MAML3: variants seen among roughly 807,000 people sequenced by gnomAD.
MAML3 encodes the protein mastermind-like protein 3.
A neutral mutation model predicts 101.9 loss-of-function variants in MAML3; 27 were observed. That is an observed-to-expected ratio of 0.27 (90% CI 0.20 to 0.37). The LOEUF is 0.37. Among genes scored for constraint, MAML3 ranks in the 10% least tolerant of loss-of-function variants. The probability of loss-of-function intolerance (pLI) is 1.00; values close to 1 mark genes in which losing one functional copy is unlikely to be tolerated. For missense variants in MAML3, 1,316 were observed against 1,444.9 expected, an observed-to-expected ratio of 0.91 and a Z score of 1.45; for synonymous variants, 501 against 555.9, an observed-to-expected ratio of 0.90 and a Z score of 1.39.
At chr4:140,099,923 C>A (rs761652154) in intron 1 of MAML3, among the ~76,000 whole-genome samples, 3 of 152,166 alleles carry the variant, frequency 2.0e-5, no homozygotes, top group Admixed American at 6.5e-5. Context: ...TTGATCATGG[C>A]ACTCCCTGTC....
intron 1 of MAML3, among the ~76,000 whole-genome samples, chr4:140,057,381 T>C (rs1560879691): frequency 6.6e-6 from 1 of 152,228 alleles, no homozygotes; most frequent in Non-Finnish European, 1.5e-5. Flanking sequence ...TTAAATCTTT[T>C]CTGTTTTACC....
chr4:139,841,535 C>T (rs982467051), intron 2 of MAML3, among the ~76,000 whole-genome samples: 5 of 152,232 alleles, frequency 3.3e-5, no homozygotes, highest in African/African-American at 7.2e-5. Flanking sequence ...TCGGCGCTGA[C>T]GCTTTCTAAT....
chr4:139,872,577 G>C (rs4863698), intron 2 of MAML3, among the ~76,000 whole-genome samples: 68,374 of 151,966 alleles, frequency 0.45, 16,263 homozygotes, highest in African/African-American at 0.57. Context: ...AGGATGTACT[G>C]GAAGAACTCA....
intron 2 of MAML3, among the ~76,000 whole-genome samples, chr4:139,850,023 T>C (rs1477808454): frequency 6.6e-6 from 1 of 152,218 alleles, no homozygotes; most frequent in Non-Finnish European, 1.5e-5. Flanking sequence ...CAAATAGCAC[T>C]GGTATTGTCA....
At chr4:139,923,319 T>C (rs1733161473) in intron 1 of MAML3, among the ~76,000 whole-genome samples, 1 of 152,206 alleles carries the variant, frequency 6.6e-6, no homozygotes, top group Non-Finnish European at 1.5e-5. Context: ...TGTTACTGAC[T>C]GGGAACAGTC....
At chr4:140,135,630 T>C (rs1409472724) in intron 1 of MAML3, among the ~76,000 whole-genome samples, 1 of 152,228 alleles carries the variant, frequency 6.6e-6, no homozygotes, top group Non-Finnish European at 1.5e-5. Context: ...CTCTTGCCAA[T>C]GAGACTAGAC....
intron 2 of MAML3, among the ~76,000 whole-genome samples, chr4:139,801,280 T>C (rs772970013): frequency 1.5e-4 from 23 of 152,258 alleles, no homozygotes; most frequent in African/African-American, 1.4e-4. Context: ...GAACAACTTA[T>C]ACTAACATAC....
rs910612103 is a variant in MAML3, at chr4:140,028,485, G to A, written c.468+124375C>T. On this transcript the variant is annotated intron_variant, in intron 1 of 4. Transcript: ENST00000509479. Reference sequence around the variant, plus strand: ...CTCTCTCTCTTTCTCATTATTCTTCGTGATTCCAAAGGAGAGCTACCATAT... The same window carrying A: ...CTCTCTCTCTTTCTCATTATTCTTCATGATTCCAAAGGAGAGCTACCATAT... Among the ~76,000 whole-genome samples, 6 of 151,446 alleles carry A rather than the reference G, an allele frequency of 4.0e-5. No individual in the cohort carries two copies. The East Asian group carries it at 9.7e-4, about 24-fold the overall frequency.
intron 1 of MAML3, among the ~76,000 whole-genome samples, chr4:139,910,659 T>C (rs1031491449): frequency 6.6e-6 from 1 of 152,174 alleles, no homozygotes; most frequent in Admixed American, 6.5e-5. Flanking sequence ...GACTCTTCTA[T>C]ATAAGAAATC....
In MAML3 at chr4:139,752,673, T is replaced by C. The variant is rs74871175; in HGVS notation, c.2080-22006A>G. Reference sequence around the variant, plus strand: ...AAAAACCTTTACCACATAGCATTTATACATATTTCTCCCGAGAGAGCATGT... The same window carrying C: ...AAAAACCTTTACCACATAGCATTTACACATATTTCTCCCGAGAGAGCATGT... On this transcript the variant is annotated intron_variant, in intron 2 of 4. Transcript: ENST00000509479. Among the ~76,000 whole-genome samples, 1,343 of 152,302 alleles carry C rather than the reference T, an allele frequency of 8.8e-3. 20 individuals are homozygous for C. Among genetic ancestry groups the C allele is most frequent in the African/African-American group, 0.031 (1,278 of 41,562 alleles).
chr4:139,978,514 G>A (rs1286336986), intron 1 of MAML3, among the ~76,000 whole-genome samples: 1 of 151,812 alleles, frequency 6.6e-6, no homozygotes, highest in African/African-American at 2.4e-5. Context: ...GAGTGGCAGA[G>A]GATGGCGTCT....
intron 1 of MAML3, among the ~76,000 whole-genome samples, chr4:140,099,385 CT>C (rs944314263): frequency 1.3e-5 from 2 of 151,968 alleles, no homozygotes; most frequent in African/African-American, 2.4e-5. Context: ...TAGCTATTTT[CT>C]TTTTTTTCTT....
At chr4:139,798,089 A>G (rs1730547398) in intron 2 of MAML3, among the ~76,000 whole-genome samples, 1 of 123,912 alleles carries the variant, frequency 8.1e-6, no homozygotes, top group Non-Finnish European at 1.8e-5. Context: ...AGAAAGAAAG[A>G]AAGAAAAGGG....
intron 1 of MAML3, among the ~76,000 whole-genome samples, chr4:139,945,675 G>T (rs1396163505): frequency 6.6e-6 from 1 of 152,138 alleles, no homozygotes; most frequent in East Asian, 1.9e-4. Flanking sequence ...CCTGATATAG[G>T]ATAGATATTT....
At chr4:139,825,522 A>G (rs1731046699) in intron 2 of MAML3, among the ~76,000 whole-genome samples, 1 of 152,158 alleles carries the variant, frequency 6.6e-6, no homozygotes, top group South Asian at 2.1e-4. Context: ...TTCCGTGGCC[A>G]TGTGTGTTTT....
At chr4:139,734,811 G>A (rs1220644397) in intron 2 of MAML3, among the ~76,000 whole-genome samples, 3 of 152,282 alleles carry the variant, frequency 2.0e-5, no homozygotes, top group Admixed American at 2.0e-4. Flanking sequence ...CTTGCTGGCG[G>A]CGAACCAAAG....
rs1732431086 is a variant in MAML3, at chr4:139,889,911, GCTGCTGCTGC to G, written c.1515_1524del (p.Gln505HisfsTer14). On this transcript the variant is annotated frameshift_variant, in exon 2 of 5. Coordinates refer to ENST00000509479, the MANE Select transcript of MAML3 (RefSeq NM_018717.5). LOFTEE classifies it high-confidence loss of function. ...TTTGAAGTCTGATTTGAGTGCTGTT[GCTGCTGCTGC>G]TGCTGCTGCTGCTGCTGCTGCTGCT... is the stretch of plus-strand genomic sequence containing the variant. 1.3e-5 allele frequency: 3 copies of G among 233,548 alleles called. No individual in the cohort carries two copies. The highest frequency in any genetic ancestry group is 1.7e-5 in the Non-Finnish European group (3 of 180,292). The allele number at this position is 233,548 out of a possible 1,614,324, so 14.5% of individuals were successfully genotyped here. A position where few individuals can be genotyped will look rare whatever the true frequency, so the allele number is the denominator to read the frequency against.
intron 2 of MAML3, among the ~76,000 whole-genome samples, chr4:139,800,676 T>C (rs1448374014): frequency 6.6e-6 from 1 of 152,228 alleles, no homozygotes; most frequent in Non-Finnish European, 1.5e-5. Context: ...CGATTTGTTT[T>C]CATTTGAAAA....
At chr4:140,107,365 T>C (rs1212570682) in intron 1 of MAML3, among the ~76,000 whole-genome samples, 3 of 152,210 alleles carry the variant, frequency 2.0e-5, no homozygotes, top group Non-Finnish European at 2.9e-5. Context: ...ACATCACCAT[T>C]GAGTCCTTTG....
Sources: gnomAD v4.1 joint callset for allele counts (sites outside exome capture counted in the v4.1 genomes callset) on GRCh38, gnomAD v4.1.1 for gene constraint, MANE v1.5 for transcripts, NCBI Gene and HGNC (gene_info 2026-07-23, HGNC 2026-07-21) for gene names.